The following GPATCH2 variants were observed in gnomAD, a reference collection of about 807,000 sequenced individuals.
The protein encoded by GPATCH2 is G patch domain-containing protein 2.
In GPATCH2, 51 loss-of-function variants were observed where a neutral mutation model predicts 58.0. The ratio of observed to expected loss-of-function variants is 0.88; its 90% CI spans 0.70 to 1.11. The LOEUF (loss-of-function observed/expected upper bound fraction) is 1.11. GPATCH2 is among the 50% of genes most tolerant of loss of function. The probability of loss-of-function intolerance (pLI) is 0.00; values close to 1 mark genes in which losing one functional copy is unlikely to be tolerated. For synonymous variants in GPATCH2, 222 were observed against 218.5 expected (o/e 1.02, Z -0.14); for missense variants, 625 against 652.2 (o/e 0.96, Z 0.45).
chr1:217,591,320 T>TGC (rs1223051836), intron 5 of GPATCH2, among the ~76,000 whole-genome samples: 2 of 152,162 alleles, frequency 1.3e-5, no homozygotes, highest in Non-Finnish European at 2.9e-5. Flanking sequence ...CGTGTGTGTG[T>TGC]GCGTAAGACT....
intron 8 of GPATCH2, among the ~76,000 whole-genome samples, chr1:217,486,303 T>C (rs1303245928): frequency 6.6e-6 from 1 of 152,262 alleles, no homozygotes; most frequent in East Asian, 1.9e-4. Flanking sequence ...TAGAATTTTG[T>C]TGACTCTCTT....
At chr1:217,597,176 A>G (rs75103882) in intron 5 of GPATCH2, among the ~76,000 whole-genome samples, 1 of 151,466 alleles carries the variant, frequency 6.6e-6, no homozygotes, top group African/African-American at 2.4e-5. Flanking sequence ...AAAAAAAAAA[A>G]TTAAAGATTA....
chr1:217,433,626 C>T (rs1571691236), intron 9 of GPATCH2, among the ~76,000 whole-genome samples: 1 of 152,104 alleles, frequency 6.6e-6, no homozygotes. Context: ...GAACTCCTCA[C>T]CTCAGGTGAT....
At chr1:217,559,540 C>T (rs914353941) in intron 5 of GPATCH2, among the ~76,000 whole-genome samples, 1 of 152,140 alleles carries the variant, frequency 6.6e-6, no homozygotes, top group African/African-American at 2.4e-5. Flanking sequence ...TCATTACCCT[C>T]ATCTTATGGC....
chr1:217,444,777 A>T (rs1342974927), intron 9 of GPATCH2, among the ~76,000 whole-genome samples: 2 of 152,208 alleles, frequency 1.3e-5, no homozygotes, highest in Non-Finnish European at 2.9e-5. Flanking sequence ...GAGCTACAAT[A>T]ATCTACAGCA....
At chr1:217,453,850 T>G (rs1231786556) in intron 8 of GPATCH2, among the ~76,000 whole-genome samples, 1 of 152,146 alleles carries the variant, frequency 6.6e-6, no homozygotes, top group South Asian at 2.1e-4. Flanking sequence ...ACAGAGGCTG[T>G]TCAGAGAATT....
chr1:217,503,930 T>C (rs1662427199), intron 6 of GPATCH2, among the ~76,000 whole-genome samples: 1 of 152,122 alleles, frequency 6.6e-6, no homozygotes, highest in African/African-American at 2.4e-5. Context: ...ATTATTACCA[T>C]TCTGCAAATA....
At chr1:217,594,281 A>C (rs116312315) in intron 5 of GPATCH2, among the ~76,000 whole-genome samples, 2,792 of 152,232 alleles carry the variant, frequency 0.018, 40 homozygotes, top group Middle Eastern at 0.088. Context: ...AACAGTTACA[A>C]AACATTTTTA....
At chr1:217,544,051 A>T (rs2102650611) in intron 5 of GPATCH2, among the ~76,000 whole-genome samples, 1 of 152,348 alleles carries the variant, frequency 6.6e-6, no homozygotes, top group South Asian at 2.1e-4. Flanking sequence ...ATAAAGTCTT[A>T]AAAAAGTTTA....
chr1:217,579,646 C>A (rs1666966471), intron 5 of GPATCH2, among the ~76,000 whole-genome samples: 1 of 152,124 alleles, frequency 6.6e-6, no homozygotes, highest in Admixed American at 6.5e-5. Flanking sequence ...ATTCTGACCA[C>A]CAAAATACTT....
intron 7 of GPATCH2, among the ~76,000 whole-genome samples, chr1:217,494,368 T>C (rs780978545): frequency 2.6e-5 from 4 of 152,194 alleles, no homozygotes; most frequent in Non-Finnish European, 1.5e-5. Context: ...CAAGTTAATA[T>C]GTGAGCTTAG....
chr1:217,562,712 T>A (rs1487423093), intron 5 of GPATCH2, among the ~76,000 whole-genome samples: 1 of 152,198 alleles, frequency 6.6e-6, no homozygotes, highest in African/African-American at 2.4e-5. Flanking sequence ...TTGCTTAGTA[T>A]CATGAGTCAC....
chr1:217,432,980 C>G (rs972843430), intron 9 of GPATCH2, among the ~76,000 whole-genome samples: 16 of 152,136 alleles, frequency 1.1e-4, no homozygotes, highest in Non-Finnish European at 1.9e-4. Flanking sequence ...TGGACCATGT[C>G]TTCCTAGACA....
intron 6 of GPATCH2, chr1:217,498,651 T>TA: frequency 1.8e-6 from 1 of 568,892 alleles, no homozygotes; most frequent in Admixed American, 3.2e-5. Context: ...TATGTTAACA[T>TA]AAACTGCTGG....
At chr1:217,568,282 G>A (rs951811523) in intron 5 of GPATCH2, among the ~76,000 whole-genome samples, 1 of 152,074 alleles carries the variant, frequency 6.6e-6, no homozygotes, top group South Asian at 2.1e-4. Flanking sequence ...TAAAACGCAG[G>A]ATTAAAAGCT....
At chr1:217,560,849 G>C (rs576394613) in intron 5 of GPATCH2, among the ~76,000 whole-genome samples, 16 of 152,136 alleles carry the variant, frequency 1.1e-4, no homozygotes, top group African/African-American at 3.6e-4. Flanking sequence ...TTTTCTTCAG[G>C]TACTAATCAG....
intron 5 of GPATCH2, among the ~76,000 whole-genome samples, chr1:217,584,331 A>T (rs1463048043): frequency 3.1e-5 from 3 of 95,284 alleles, no homozygotes; most frequent in Non-Finnish European, 6.3e-5. Flanking sequence ...CACCTCTACT[A>T]AAAAAAAAAA....
At chr1:217,558,882 C>A (rs1033207563) in intron 5 of GPATCH2, among the ~76,000 whole-genome samples, 4 of 152,144 alleles carry the variant, frequency 2.6e-5, no homozygotes, top group African/African-American at 9.7e-5. Flanking sequence ...CTGACTACTA[C>A]TCCTTTTTGC....
chr1:217,594,847 C>T (rs1001723333), intron 5 of GPATCH2, among the ~76,000 whole-genome samples: 1 of 152,146 alleles, frequency 6.6e-6, no homozygotes, highest in Non-Finnish European at 1.5e-5. Context: ...GCTTTGCCCT[C>T]CTTGTCCTTC....
Sources: gnomAD v4.1 joint callset for allele counts (sites outside exome capture counted in the v4.1 genomes callset) on GRCh38, gnomAD v4.1.1 for gene constraint, MANE v1.5 for transcripts, NCBI Gene and HGNC (gene_info 2026-07-23, HGNC 2026-07-21) for gene names.